COL4A3: variants seen among roughly 807,000 people sequenced by gnomAD.
The protein encoded by COL4A3 is collagen alpha-3(IV) chain.
COL4A3 carries 135 observed loss-of-function variants against 217.4 expected under a neutral mutation model. The observed-to-expected ratio is 0.62, with a 90% confidence interval of 0.54 to 0.72. The LOEUF is 0.72. Ranked by LOEUF, COL4A3 falls within the 30% of genes least tolerant of loss-of-function variation. The pLI is 0.00. For synonymous variants in COL4A3, 690 were observed against 736.3 expected (o/e 0.94, Z 1.02); for missense variants, 1,868 against 2,119.9 (o/e 0.88, Z 2.33).
rs929520692 is a variant in COL4A3, at chr2:227,181,288, G to A, written c.87+16475G>A. On this transcript the variant is annotated intron_variant, in intron 1 of 51. Transcript: ENST00000396578. Reference sequence around the variant, plus strand: ...AGCCTCCCTCAAATTCCATTAATGCGTAGTTGGCTGCATCAGGGTCGGCAG... The same window carrying A: ...AGCCTCCCTCAAATTCCATTAATGCATAGTTGGCTGCATCAGGGTCGGCAG... Among the ~76,000 whole-genome samples, 11 of 152,144 alleles carry A rather than the reference G, an allele frequency of 7.2e-5. No homozygotes were observed. The East Asian group carries it at 7.7e-4, about 11-fold the overall frequency.
intron 34 of COL4A3, among the ~76,000 whole-genome samples, chr2:227,286,740 A>G (rs558708376): frequency 1.8e-4 from 27 of 152,350 alleles, no homozygotes; most frequent in African/African-American, 5.8e-4. Flanking sequence ...TAAATGTTGA[A>G]TAAGATTCAG....
At chr2:227,205,704 A>G (rs1272670575) in intron 1 of COL4A3, among the ~76,000 whole-genome samples, 1 of 130,816 alleles carries the variant, frequency 7.6e-6, no homozygotes, top group East Asian at 2.1e-4. Flanking sequence ...ACTTAATTCA[A>G]CAAATATTTT....
In COL4A3 at chr2:227,253,772, T is replaced by C. The variant is rs2069953688; in HGVS notation, c.765+134T>C. 2 of 820,224 alleles carry C rather than the reference T, an allele frequency of 2.4e-6. No individual in the cohort carries two copies. The highest frequency in any genetic ancestry group is 1.4e-5 in the South Asian group (1 of 73,372). 50.8% of individuals were successfully genotyped at this position (820,224 alleles called of 1,614,324 possible). ...CCAGCTCCCTCAGCCAGCCAGAACC[T>C]CCAGGATTGATTCCTTCCCGTCCTT... On this transcript the variant is annotated intron_variant, in intron 13 of 51. Coordinates refer to ENST00000396578, the MANE Select transcript of COL4A3 (RefSeq NM_000091.5). This position sits in a 1 kb window ranked among gnomAD's most constrained non-coding sequence, Gnocchi z 4.4.
intron 2 of COL4A3, 32 bp downstream of exon 2, chr2:227,238,056 A>G: frequency 2.9e-6 from 4 of 1,395,120 alleles, no homozygotes; most frequent in South Asian, 1.1e-5. Context: ...GCTTGTTTAC[A>G]CTGTAAAGCT....
chr2:227,307,560 C>T, intron 47 of COL4A3, 150 bp from the exon 48 acceptor site: 2 of 676,634 alleles, frequency 3.0e-6, no homozygotes, highest in South Asian at 1.9e-5. Flanking sequence ...TTTAATAATA[C>T]TGTTTGGCCA....
rs2070286139 is a variant in COL4A3 at position 227,257,821 on chromosome 2, A to G, written c.1029+177A>G. Among the ~76,000 whole-genome samples, 3 of 152,292 alleles carry G rather than the reference A, an allele frequency of 2.0e-5. No individual in the cohort carries two copies. The South Asian group carries it at 6.2e-4, about 32-fold the overall frequency. ...TATGTGTCCCTTTGACCACGGGTAA[A>G]TATTTCTATTTGGTCCCTGGAAGGC... On this transcript the variant is annotated intron_variant, in intron 18 of 51. Coordinates refer to ENST00000396578, the MANE Select transcript of COL4A3 (RefSeq NM_000091.5).
intron 1 of COL4A3, among the ~76,000 whole-genome samples, chr2:227,220,825 C>G (rs546017833): frequency 1.7e-4 from 26 of 152,310 alleles, no homozygotes; most frequent in African/African-American, 5.3e-4. Flanking sequence ...GAAATTTCAA[C>G]TACATTGATA....
At chr2:227,309,857 C>T (rs1055283019) in intron 50 of COL4A3, among the ~76,000 whole-genome samples, 9 of 152,166 alleles carry the variant, frequency 5.9e-5, no homozygotes, top group African/African-American at 2.2e-4. Flanking sequence ...AAACTCCTGA[C>T]CTCCAGTGAT....
At position 227,195,665 on chromosome 2, in the gene COL4A3, A is replaced by ATGTGTGTGTGTGTG. The variant is rs769877364; in HGVS notation, c.87+30853_87+30854insGTGTGTGTGTGTGT. Among the ~76,000 whole-genome samples the ATGTGTGTGTGTGTG allele has an allele frequency of 4.9e-3, 629 of 129,046 alleles. 9 individuals carry two copies. Among genetic ancestry groups the ATGTGTGTGTGTGTG allele is most frequent in the East Asian group, 0.026 (119 of 4,628 alleles). 84.7% of individuals were successfully genotyped at this position (129,046 alleles called of 152,430 possible). On this transcript the variant is annotated intron_variant, in intron 1 of 51. Transcript: ENST00000396578. ...TAGAGTCTATGCCACATATATATAT[A>ATGTGTGTGTGTGTG]TATGTGTGTGTGTGTGTGTGTGTGT... is the stretch of plus-strand genomic sequence containing the variant.
At chr2:227,254,607 T>C in intron 14 of COL4A3, 49 bp from the exon 15 acceptor site, 1 of 1,381,304 alleles carries the variant, frequency 7.2e-7, no homozygotes. Flanking sequence ...TCAATGTAAG[T>C]AAAAAAATCA....
intron 1 of COL4A3, among the ~76,000 whole-genome samples, chr2:227,175,850 A>G (rs1031649994): frequency 2.6e-5 from 4 of 152,240 alleles, no homozygotes; most frequent in Admixed American, 2.0e-4. Flanking sequence ...TAGTAATGAA[A>G]TGACAGTGTG....
At chr2:227,177,802 T>A (rs1366394241) in intron 1 of COL4A3, among the ~76,000 whole-genome samples, 1 of 152,204 alleles carries the variant, frequency 6.6e-6, no homozygotes, top group Non-Finnish European at 1.5e-5. Flanking sequence ...CTATGCTCCC[T>A]GCCCACAAGT....
Position 227,294,948 on chromosome 2 carries a change from T to TG in COL4A3, c.3419-16_3419-15insG. On this transcript the variant is annotated splice_polypyrimidine_tract_variant and intron_variant, in intron 39 of 51. Coordinates refer to ENST00000396578, the MANE Select transcript of COL4A3 (RefSeq NM_000091.5). ...ACCATAGTTTGGGGTTTTTGGGTTTTTTTTTTTTTTTTCAGGTCTTCCAGG... is the reference window on the plus strand; with the variant it reads ...ACCATAGTTTGGGGTTTTTGGGTTTTGTTTTTTTTTTTTCAGGTCTTCCAGG... The TG allele has an allele frequency of 2.6e-6, 4 of 1,557,602 alleles. No homozygotes were observed. Among genetic ancestry groups the TG allele is most frequent in the Admixed American group, 1.7e-5 (1 of 58,452 alleles).
chr2:227,299,060 G>A (rs2073161833), intron 43 of COL4A3, among the ~76,000 whole-genome samples: 1 of 152,140 alleles, frequency 6.6e-6, no homozygotes, highest in African/African-American at 2.4e-5. Flanking sequence ...ACTGCAACAG[G>A]AGAGAGAATG....
intron 27 of COL4A3, 114 bp from the exon 28 acceptor site, chr2:227,277,335 A>C (rs995087844): frequency 6.7e-6 from 5 of 741,280 alleles, no homozygotes; most frequent in African/African-American, 5.4e-5. Context: ...AAAAAAAAAA[A>C]AAAAACAATG....
Position 227,191,665 on chromosome 2 carries a change from G to A in COL4A3, c.87+26852G>A, listed in dbSNP as rs529601559. ...GATGTAGCTGAAGTTTTACATTATG[G>A]CCTGCAAGAAACTTTATTCTAATAA... On this transcript the variant is annotated intron_variant, in intron 1 of 51. Coordinates refer to ENST00000396578, the MANE Select transcript of COL4A3 (RefSeq NM_000091.5). The surrounding 1 kb of genome is among the most constrained non-coding windows in gnomAD (Gnocchi z 6.8). Among the ~76,000 whole-genome samples the A allele has an allele frequency of 6.6e-6, 1 of 152,220 alleles. No homozygotes were observed. The highest frequency in any genetic ancestry group is 1.9e-4 in the East Asian group (1 of 5,170).
chr2:227,302,384 T>C (rs973924364), intron 43 of COL4A3, among the ~76,000 whole-genome samples: 1 of 152,090 alleles, frequency 6.6e-6, no homozygotes, highest in African/African-American at 2.4e-5. Context: ...CAGATTATAA[T>C]TTTCATTCTG....
chr2:227,290,706 A>T (rs749980080), intron 36 of COL4A3, 41 bp from the exon 37 acceptor site: 1 of 1,602,512 alleles, frequency 6.2e-7, no homozygotes, highest in Non-Finnish European at 8.5e-7. Context: ...CAAGATCCTC[A>T]TGTTTATCTA....
chr2:227,203,279 GTA>G lies in COL4A3; in HGVS notation c.88-34682_88-34681del, dbSNP rs1240727620. 4.0e-5 allele frequency among the ~76,000 whole-genome samples: 3 copies of G among 75,136 alleles called. 1 individual carries two copies. The highest frequency in any genetic ancestry group is 8.2e-5 in the Non-Finnish European group (3 of 36,794). 49.3% of individuals were successfully genotyped at this position (75,136 alleles called of 152,430 possible). The stretch of plus-strand genomic sequence containing the variant: ...TATATACATATATGTGTATATATGT[GTA>G]TATATACATATATGTGTATATATGT... On this transcript the variant is annotated intron_variant, in intron 1 of 51. Coordinates refer to ENST00000396578, the MANE Select transcript of COL4A3 (RefSeq NM_000091.5).
Sources: allele counts gnomAD v4.1 joint callset (sites outside exome capture counted in the v4.1 genomes callset), GRCh38; gene constraint gnomAD v4.1.1; non-coding constraint Gnocchi (gnomAD v3.1); transcripts MANE v1.5; gene names NCBI Gene and HGNC (gene_info 2026-07-23, HGNC 2026-07-21).